RABAC1: variants seen among roughly 807,000 people sequenced by gnomAD.
The protein encoded by RABAC1 is prenylated Rab acceptor protein 1.
In RABAC1, 16 loss-of-function variants were observed where a neutral mutation model predicts 22.9. The observed-to-expected ratio is 0.70, with a 90% CI of 0.47 to 1.06. The LOEUF (loss-of-function observed/expected upper bound fraction) is 1.06, where lower values mean the gene tolerates loss of function less well. Ranked by LOEUF, RABAC1 falls within the 50% of genes least tolerant of loss-of-function variation. The pLI is 0.00. For missense variants in RABAC1, 227 were observed against 246.5 expected (o/e 0.92, Z 0.53); for synonymous variants, 139 against 107.7 (o/e 1.29, Z -1.80).
At chr19:41,958,169 T>C in intron 3 of RABAC1, 117 bp downstream of exon 3, 1 of 939,628 alleles carries the variant, frequency 1.1e-6, no homozygotes, top group Non-Finnish European at 1.7e-6. Context: ...AGTGTACATC[T>C]AGGCTTGGGC....
chr19:41,956,737 G>A lies in RABAC1; in HGVS notation c.*109C>T. ...TTTTCAAAGGCGGGATCCCTCCCCG[G>A]GCTTGTGATGGGACGGCGCTGTGGG... On this transcript the variant is annotated 3_prime_UTR_variant, in exon 5 of 5. Transcript: ENST00000222008. The A allele has an allele frequency of 2.0e-6, 2 of 989,952 alleles. No homozygotes were observed. The highest frequency in any genetic ancestry group is 1.6e-5 in the African/African-American group (1 of 60,888). The allele number at this position is 989,952 out of a possible 1,614,324, so 61.3% of individuals were successfully genotyped here.
Position 41,956,784 on chromosome 19 carries a change from G to A in RABAC1, c.*62C>T, listed in dbSNP as rs2074991434. The A allele has an allele frequency of 2.7e-6, 4 of 1,472,830 alleles. No individual in the cohort carries two copies. Among genetic ancestry groups the A allele is most frequent in the East Asian group, 2.3e-5 (1 of 43,066 alleles). The allele number at this position is 1,472,830 out of a possible 1,614,324, so 91.2% of individuals were successfully genotyped here. A position where few individuals can be genotyped will look rare whatever the true frequency, so the allele number is the denominator to read the frequency against. On this transcript the variant is annotated 3_prime_UTR_variant, in exon 5 of 5. Coordinates refer to ENST00000222008, the MANE Select transcript of RABAC1 (RefSeq NM_006423.3). ...TGGGCCCGAGCAGCAGAGCCGTGCAGGACAGGCATGGGCAGGGGTGGGGCA... is the reference window on the plus strand; with the variant it reads ...TGGGCCCGAGCAGCAGAGCCGTGCAAGACAGGCATGGGCAGGGGTGGGGCA...
chr19:41,958,771 A>G lies in RABAC1; in HGVS notation c.234T>C (p.Tyr78=). The change falls in exon 2 of 5, where the codon TAT becomes TAC. Residue 78 remains tyrosine, a synonymous_variant. Transcript: ENST00000222008. ...GGATGAGGCCCAGGAACACGAACAC[A>G]TAGTTGCTCTGGTAGTACTCCACGT... ...VRNVEYYQSN[Y]VFVFLGLILY... 1 of 1,613,190 alleles carries G rather than the reference A, an allele frequency of 6.2e-7. No individual in the cohort carries two copies. Among genetic ancestry groups the G allele is most frequent in the Non-Finnish European group, 8.5e-7 (1 of 1,179,820 alleles).
At chr19:41,958,656 G>A (rs1459240541) in intron 2 of RABAC1, 80 bp downstream of exon 2, 3 of 1,455,996 alleles carry the variant, frequency 2.1e-6, no homozygotes, top group Non-Finnish European at 1.9e-6. Context: ...ACCGGGCGGT[G>A]AAGGGCGGGG....
Position 41,958,351 on chromosome 19 carries a change from G to A in RABAC1, c.302C>T (p.Ala101Val), listed in dbSNP as rs2074999315. 6.2e-7 allele frequency: 1 copy of A among 1,613,504 alleles called. No homozygotes were observed. The highest frequency in any genetic ancestry group is 8.5e-7 in the Non-Finnish European group (1 of 1,179,900). ...VTSPMLLVAL[A>V]VFFGACYILY... ...AATGTAACAGGCGCCGAAAAAGACAGCCAGAGCCACCAGCAACATAGGGGA... is the reference window on the plus strand; with the variant it reads ...AATGTAACAGGCGCCGAAAAAGACAACCAGAGCCACCAGCAACATAGGGGA... Residue 101 changes from alanine to valine, a missense_variant, in exon 3 of 5, where the codon GCT becomes GTT. Transcript: ENST00000222008.
At position 41,958,920 on chromosome 19, in the gene RABAC1, C is replaced by A. The variant is rs782544419; in HGVS notation, c.85G>T (p.Gly29Cys). Reference protein sequence around the residue: ...TTLLPKLIPSGAGREWLERRR... With the variant: ...TTLLPKLIPSCAGREWLERRR... ...CGCTCCAGCCACTCCCGGCCTGCACCGGAGGGAATCAGCTTCGGCAGCAGG... is the reference window on the plus strand; with the variant it reads ...CGCTCCAGCCACTCCCGGCCTGCACAGGAGGGAATCAGCTTCGGCAGCAGG... The change falls in exon 2 of 5, where the codon GGT becomes TGT. Residue 29 changes from glycine to cysteine, a missense_variant. Transcript: ENST00000222008. 4 of 1,589,480 alleles carry A rather than the reference C, an allele frequency of 2.5e-6. No homozygotes were observed. In the Admixed American group the frequency reaches 5.3e-5, roughly 21 times the overall value.
chr19:41,957,724 A>G, intron 3 of RABAC1: 1 of 160,624 alleles, frequency 6.2e-6, no homozygotes, highest in Non-Finnish European at 1.4e-5. Context: ...CTAACTGTCC[A>G]ATCCCAACTC....
chr19:41,958,409 C>A, intron 2 of RABAC1, 26 bp from the exon 3 acceptor site: 2 of 1,597,994 alleles, frequency 1.3e-6, no homozygotes, highest in Non-Finnish European at 1.7e-6. Flanking sequence ...AGGGAGGCAG[C>A]GGTTAGACAG....
At position 41,959,307 on chromosome 19, in the gene RABAC1, G is replaced by C. The variant is rs782210756; in HGVS notation, c.-15C>G. 35 of 1,613,390 alleles carry C rather than the reference G, an allele frequency of 2.2e-5. No individual in the cohort carries two copies. Among genetic ancestry groups the C allele is most frequent in the Non-Finnish European group, 3.0e-5 (35 of 1,179,894 alleles). On this transcript the variant is annotated 5_prime_UTR_variant, in exon 1 of 5. Coordinates refer to ENST00000222008, the MANE Select transcript of RABAC1 (RefSeq NM_006423.3). ...TGCGCTGCCATGTCTGCGTCGTGAG[G>C]GGTAGAGCTGCTGTAACCAGCCCGG... is the stretch of plus-strand genomic sequence containing the variant.
At chr19:41,957,448 T>A in intron 3 of RABAC1, 1 of 314,670 alleles carries the variant, frequency 3.2e-6, no homozygotes, top group Non-Finnish European at 6.0e-6. Flanking sequence ...GGTCTCAAAC[T>A]GGTGGCCCAA....
chr19:41,957,474 T>G (rs1183149608), intron 3 of RABAC1: 1 of 252,364 alleles, frequency 4.0e-6, no homozygotes, highest in Non-Finnish European at 7.7e-6. Context: ...AAATCTGACC[T>G]GTGGATGTGT....
chr19:41,958,611 C>T (rs527833624), intron 2 of RABAC1, 125 bp downstream of exon 2: 262 of 1,111,300 alleles, frequency 2.4e-4, no homozygotes, highest in Non-Finnish European at 3.2e-4. Context: ...GGGGCCTGGG[C>T]GGTGAGAAGA....
chr19:41,958,772 T>G lies in RABAC1; in HGVS notation c.233A>C (p.Tyr78Ser). 1.2e-6 allele frequency: 2 copies of G among 1,613,050 alleles called. No homozygotes were observed. Among genetic ancestry groups the G allele is most frequent in the Non-Finnish European group, 1.7e-6 (2 of 1,179,800 alleles). The change falls in exon 2 of 5, where the codon TAT becomes TCT. Residue 78 changes from tyrosine to serine, a missense_variant. Coordinates refer to ENST00000222008, the MANE Select transcript of RABAC1 (RefSeq NM_006423.3). ...GATGAGGCCCAGGAACACGAACACA[T>G]AGTTGCTCTGGTAGTACTCCACGTT... ...VRNVEYYQSN[Y>S]VFVFLGLILY...
Position 41,959,249 on chromosome 19 carries a change from C to T in RABAC1, c.44G>A (p.Gly15Glu), listed in dbSNP as rs1422040604. ...KDQQKDAEAE[G>E]LSGTTLLPKL... is the part of the protein sequence containing the mutation. ...CCAGCTCGCTCACGTGCCGCTCAGCCCTTCCGCCTCGGCATCTTTCTGCTG... is the reference window on the plus strand; with the variant it reads ...CCAGCTCGCTCACGTGCCGCTCAGCTCTTCCGCCTCGGCATCTTTCTGCTG... Residue 15 changes from glycine (G) to glutamate (E), a missense_variant, in exon 1 of 5, where the codon GGG becomes GAG. Physicochemically the swap from Gly to Glu is moderately conservative, Grantham distance 98. Transcript: ENST00000222008. 5 of 1,613,516 alleles carry T rather than the reference C, an allele frequency of 3.1e-6. No individual in the cohort carries two copies. Among genetic ancestry groups the T allele is most frequent in the Non-Finnish European group, 4.2e-6 (5 of 1,179,940 alleles).
intron 3 of RABAC1, chr19:41,957,427 G>A (rs1411643538): frequency 2.6e-6 from 1 of 381,730 alleles, no homozygotes; most frequent in South Asian, 4.1e-5. Context: ...TGCAACCCTC[G>A]CGCAGACCAG....
chr19:41,958,150 G>T, intron 3 of RABAC1, 136 bp downstream of exon 3: 1 of 740,742 alleles, frequency 1.3e-6, no homozygotes, highest in Non-Finnish European at 2.3e-6. Flanking sequence ...GATCAGGTTT[G>T]GGGGATCTAG....
chr19:41,958,292 G>C lies in RABAC1; in HGVS notation c.361C>G (p.Leu121Val), dbSNP rs782016544. The stretch of plus-strand genomic sequence containing the variant: ...TGGGCAGGGGGTTTCTCACCAAAGA[G>C]CACAAGCTTGGACTCCAAGGTGCGC... ...YLRTLESKLV[L>V]FGREVSPAHQ... is the part of the protein sequence containing the mutation. Residue 121 changes from leucine to valine, a missense_variant, in exon 3 of 5, where the codon CTC becomes GTC. By Grantham distance (32) the Leu-to-Val change is conservative (BLOSUM62 1). Coordinates refer to ENST00000222008, the MANE Select transcript of RABAC1 (RefSeq NM_006423.3). 1 of 1,611,824 alleles carries C rather than the reference G, an allele frequency of 6.2e-7. No individual in the cohort carries two copies. Among genetic ancestry groups the C allele is most frequent in the South Asian group, 1.1e-5 (1 of 90,796 alleles).
chr19:41,958,846 G>T lies in RABAC1; in HGVS notation c.159C>A (p.Arg53=). The change falls in exon 2 of 5, where the codon CGC becomes CGA. Residue 53 remains arginine (R), a synonymous_variant. Transcript: ENST00000222008. ...CTCCCAGGTTGCGGGGCCGTGAGAA[G>T]CGCTGCTGGTCCACGAAGGTGCTCC... ...RPWSTFVDQQ[R]FSRPRNLGEL... 6.2e-7 allele frequency: 1 copy of T among 1,609,120 alleles called. No homozygotes were observed.
At chr19:41,957,416 C>T in intron 3 of RABAC1, 1 of 427,704 alleles carries the variant, frequency 2.3e-6, no homozygotes, top group South Asian at 3.3e-5. Flanking sequence ...GGCTCTCCTG[C>T]TGCAACCCTC....
Sources: allele counts gnomAD v4.1 joint callset, GRCh38; gene constraint gnomAD v4.1.1; transcripts MANE v1.5; gene names NCBI Gene and HGNC (gene_info 2026-07-23, HGNC 2026-07-21).